Variants in CTNNA2 observed in about 807,000 individuals in gnomAD.
CTNNA2 encodes catenin alpha 2.
CTNNA2 carries 42 observed loss-of-function variants against 101.0 expected under a neutral mutation model. That is an observed-to-expected ratio of 0.42 (90% CI 0.32 to 0.54). The LOEUF (loss-of-function observed/expected upper bound fraction) is 0.54, where lower values mean the gene tolerates loss of function less well. CTNNA2 is among the 20% of genes least tolerant of loss of function. CTNNA2 has a pLI of 0.14. For synonymous variants in CTNNA2, 450 were observed against 456.4 expected (o/e 0.99, Z 0.18); for missense variants, 871 against 1,223.1 (o/e 0.71, Z 4.29).
At chr2:80,359,405 C>A (rs1256901325) in intron 7 of CTNNA2, among the ~76,000 whole-genome samples, 5 of 152,162 alleles carry the variant, frequency 3.3e-5, no homozygotes, top group African/African-American at 7.2e-5. Context: ...CACCTAAACT[C>A]ATGTTCAGTT....
At chr2:79,935,340 T>TTC (rs1157251125) in intron 7 of CTNNA2, among the ~76,000 whole-genome samples, 77 of 150,204 alleles carry the variant, frequency 5.1e-4, no homozygotes, top group African/African-American at 1.8e-3. Flanking sequence ...TATTTCTTCT[T>TTC]TCTCTCTCTC....
chr2:79,526,785 A>G (rs923757030), intron 1 of CTNNA2, among the ~76,000 whole-genome samples: 3 of 152,142 alleles, frequency 2.0e-5, no homozygotes, highest in African/African-American at 7.2e-5. Flanking sequence ...TACATGGAAA[A>G]GATGAATTTG....
At chr2:80,015,084 G>C (rs1237106727) in intron 7 of CTNNA2, among the ~76,000 whole-genome samples, 1 of 152,176 alleles carries the variant, frequency 6.6e-6, no homozygotes, top group African/African-American at 2.4e-5. Flanking sequence ...TTTAGAAGCA[G>C]TAGTGTAATG....
intron 7 of CTNNA2, among the ~76,000 whole-genome samples, chr2:80,047,074 G>A (rs1404332840): frequency 6.6e-6 from 1 of 152,008 alleles, no homozygotes; most frequent in Non-Finnish European, 1.5e-5. Flanking sequence ...TGTCCCCTGG[G>A]GTAAAATCAG....
At chr2:80,084,920 A>G (rs1278373856) in intron 7 of CTNNA2, among the ~76,000 whole-genome samples, 1 of 152,126 alleles carries the variant, frequency 6.6e-6, no homozygotes, top group Non-Finnish European at 1.5e-5. Flanking sequence ...AACAAAAGGA[A>G]CATTACAAGG....
chr2:79,254,527 G>C (rs1674816843), intron 2 of CTNNA2, among the ~76,000 whole-genome samples: 1 of 152,170 alleles, frequency 6.6e-6, no homozygotes, highest in Non-Finnish European at 1.5e-5. Context: ...TCTGCCATGA[G>C]TAAAATCTCC....
chr2:79,669,589 G>C (rs1343004087), intron 2 of CTNNA2, among the ~76,000 whole-genome samples: 1 of 152,190 alleles, frequency 6.6e-6, no homozygotes, highest in African/African-American at 2.4e-5. Flanking sequence ...GCTCTTAGCA[G>C]AGAGAAGGCC....
chr2:79,925,878 T>C (rs1574327726), intron 7 of CTNNA2, among the ~76,000 whole-genome samples: 1 of 22,060 alleles, frequency 4.5e-5, no homozygotes, highest in East Asian at 1.8e-3. Flanking sequence ...CATCTAAGAC[T>C]TTTTTTTTTT....
At chr2:80,236,264 C>T (rs1709545394) in intron 7 of CTNNA2, among the ~76,000 whole-genome samples, 1 of 152,142 alleles carries the variant, frequency 6.6e-6, no homozygotes, top group South Asian at 2.1e-4. Flanking sequence ...TAGTACTTCA[C>T]TGAACATTTG....
intron 2 of CTNNA2, among the ~76,000 whole-genome samples, chr2:79,660,988 G>A: frequency 6.6e-6 from 1 of 152,124 alleles, no homozygotes; most frequent in Non-Finnish European, 1.5e-5. Flanking sequence ...CAACTTGATG[G>A]ATGATACTGT....
intron 7 of CTNNA2, among the ~76,000 whole-genome samples, chr2:80,267,646 A>G (rs1024585860): frequency 6.6e-6 from 1 of 152,198 alleles, no homozygotes; most frequent in Non-Finnish European, 1.5e-5. Flanking sequence ...GAGAACATAA[A>G]AAAAGGGTTC....
At chr2:79,691,470 A>G (rs1008486673) in intron 2 of CTNNA2, among the ~76,000 whole-genome samples, 6 of 152,002 alleles carry the variant, frequency 3.9e-5, no homozygotes, top group African/African-American at 7.2e-5. Context: ...AAATACTCCA[A>G]TTAAAAGACA....
chr2:79,793,125 C>T (rs1430250923), intron 3 of CTNNA2, among the ~76,000 whole-genome samples: 3 of 152,034 alleles, frequency 2.0e-5, no homozygotes, highest in African/African-American at 4.8e-5. Flanking sequence ...AGCATGGAGA[C>T]ATTGAAATGG....
intron 3 of CTNNA2, among the ~76,000 whole-genome samples, chr2:79,776,298 C>G (rs1016055187): frequency 1.3e-5 from 2 of 152,026 alleles, no homozygotes. Context: ...GAACAGGATA[C>G]ATAATTAGAA....
At chr2:80,119,519 G>C (rs1293707441) in intron 7 of CTNNA2, among the ~76,000 whole-genome samples, 2 of 152,156 alleles carry the variant, frequency 1.3e-5, no homozygotes, top group Non-Finnish European at 2.9e-5. Context: ...TGTTCATGTA[G>C]GTGTGAAACT....
At chr2:79,925,420 C>G (rs1686958517) in intron 7 of CTNNA2, among the ~76,000 whole-genome samples, 2 of 151,996 alleles carry the variant, frequency 1.3e-5, no homozygotes, top group African/African-American at 4.8e-5. Context: ...TCAGGACAAC[C>G]ATTAGGGAAG....
chr2:80,150,124 G>A (rs1161432900), intron 7 of CTNNA2, among the ~76,000 whole-genome samples: 1 of 152,030 alleles, frequency 6.6e-6, no homozygotes, highest in Non-Finnish European at 1.5e-5. Flanking sequence ...TTTCTGAGAT[G>A]GTCACGCCTG....
intron 17 of CTNNA2, among the ~76,000 whole-genome samples, chr2:80,610,864 C>G (rs72922416): frequency 6.6e-6 from 1 of 151,524 alleles, no homozygotes; most frequent in African/African-American, 2.4e-5. Context: ...CAACAGGTCA[C>G]GGAGGAGAAT....
chr2:79,354,276 CT>C (rs1446299592), intron 3 of CTNNA2, among the ~76,000 whole-genome samples: 1 of 152,142 alleles, frequency 6.6e-6, no homozygotes, highest in Admixed American at 6.6e-5. Context: ...TGTTTTCCAA[CT>C]TGCTTATTCT....
Sources: gnomAD v4.1 joint callset for allele counts (sites outside exome capture counted in the v4.1 genomes callset) on GRCh38, gnomAD v4.1.1 for gene constraint, MANE v1.5 for transcripts, NCBI Gene and HGNC (gene_info 2026-07-23, HGNC 2026-07-21) for gene names.